CABP1: variants seen among roughly 807,000 people sequenced by gnomAD.
CABP1 encodes calcium binding protein 1.
CABP1 carries 17 observed loss-of-function variants against 34.3 expected under a neutral mutation model. The ratio of observed to expected loss-of-function variants is 0.50; its 90% confidence interval spans 0.34 to 0.74. The LOEUF is 0.74. Ranked by LOEUF, CABP1 falls within the 30% of genes least tolerant of loss-of-function variation. The probability of loss-of-function intolerance (pLI) is 0.01; values close to 1 mark genes in which losing one functional copy is unlikely to be tolerated. For missense variants in CABP1, 373 were observed against 511.1 expected, an observed-to-expected ratio of 0.73 and a Z score of 2.61; for synonymous variants, 198 against 229.2, an observed-to-expected ratio of 0.86 and a Z score of 1.23.
Position 120,655,854 on chromosome 12 carries a change from CA to C in CABP1, c.655-4023del, listed in dbSNP as rs1178900402. The C allele has an allele frequency of 1.7e-5, 26 of 1,530,808 alleles. No individual in the cohort carries two copies. In the African/African-American group the frequency reaches 3.4e-4, roughly 20 times the overall value. The allele number at this position is 1,530,808 out of a possible 1,614,324, so 94.8% of individuals were successfully genotyped here. On this transcript the variant is annotated intron_variant, in intron 1 of 5. Coordinates refer to ENST00000316803, the MANE Select transcript of CABP1 (RefSeq NM_001033677.2). ...GCGTGTGTGTGTGTGTGTGTGTGCG[CA>C]TGTGCCACACAGAGGGCATCACATT...
chr12:120,660,698 C>T lies in CABP1; in HGVS notation c.830-33C>T, dbSNP rs745312563. 107 of 1,440,982 alleles carry T rather than the reference C, an allele frequency of 7.4e-5. No individual in the cohort carries two copies. Among genetic ancestry groups the T allele is most frequent in the Non-Finnish European group, 9.4e-5 (96 of 1,022,562 alleles). 89.3% of individuals were successfully genotyped at this position (1,440,982 alleles called of 1,614,324 possible). On this transcript the variant is annotated intron_variant, in intron 3 of 5. Coordinates refer to ENST00000316803, the MANE Select transcript of CABP1 (RefSeq NM_001033677.2). The surrounding 1 kb of genome is among the most constrained non-coding windows in gnomAD (Gnocchi z 5.0). ...AGTTGGAGACAGGGAATGGGTATGT[C>T]GGGGATGACCTAGCCCTTTCCTCCT...
At chr12:120,669,723 C>A (rs1408827962), downstream of CABP1, among the ~76,000 whole-genome samples, 2 of 151,808 alleles carry the variant, frequency 1.3e-5, no homozygotes, top group African/African-American at 4.8e-5. Flanking sequence ...CACTTCACCC[C>A]AGCCTGGGTG....
In CABP1 at chr12:120,659,863, G is replaced by C. The variant is rs760101630; in HGVS notation, c.655-15G>C. The C allele has an allele frequency of 1.2e-6, 2 of 1,612,630 alleles. No individual in the cohort carries two copies. The highest frequency in any genetic ancestry group is 1.7e-6 in the Non-Finnish European group (2 of 1,179,638). Reference sequence around the variant, plus strand: ...TCCCTTGTCGCGGCTAATAGGACATGTTCTTTTGTTTCAGGATAGATCACT... The same window carrying C: ...TCCCTTGTCGCGGCTAATAGGACATCTTCTTTTGTTTCAGGATAGATCACT... On this transcript the variant is annotated splice_polypyrimidine_tract_variant and intron_variant, in intron 1 of 5. Coordinates refer to ENST00000316803, the MANE Select transcript of CABP1 (RefSeq NM_001033677.2).
the CABP1 span, among the ~76,000 whole-genome samples, chr12:120,679,394 G>A: frequency 6.6e-6 from 1 of 152,036 alleles, no homozygotes; most frequent in Non-Finnish European, 1.5e-5. Context: ...CTTCTCATCT[G>A]CAAAAAAGGG....
chr12:120,667,032 G>GT lies in CABP1; in HGVS notation c.*132_*133insT. 1 of 1,125,012 alleles carries GT rather than the reference G, an allele frequency of 8.9e-7. No homozygotes were observed. The highest frequency in any genetic ancestry group is 1.3e-6 in the Non-Finnish European group (1 of 778,444). The allele number at this position is 1,125,012 out of a possible 1,614,324, so 69.7% of individuals were successfully genotyped here. A position where few individuals can be genotyped will look rare whatever the true frequency, so the allele number is the denominator to read the frequency against. On this transcript the variant is annotated 3_prime_UTR_variant, in exon 6 of 6. Transcript: ENST00000316803. Reference sequence around the variant, plus strand: ...GGATGGGGCCTGCCTGCACCCCGGGGAGGCGCCCACCCCGGACCCCCACCC... The same window carrying GT: ...GGATGGGGCCTGCCTGCACCCCGGGGTAGGCGCCCACCCCGGACCCCCACCC...
chr12:120,653,298 C>T (rs1879965286), intron 1 of CABP1, among the ~76,000 whole-genome samples: 2 of 152,186 alleles, frequency 1.3e-5, no homozygotes, highest in African/African-American at 4.8e-5. Flanking sequence ...CATGCCCTAG[C>T]CACCATGCAG....
intron 1 of CABP1, among the ~76,000 whole-genome samples, chr12:120,657,217 C>T (rs1593164800): frequency 6.6e-6 from 1 of 152,182 alleles, no homozygotes; most frequent in Non-Finnish European, 1.5e-5. Context: ...ATGTGGCTAG[C>T]GGCTAGTGAA....
chr12:120,678,846 G>T, the CABP1 span, among the ~76,000 whole-genome samples: 9 of 151,978 alleles, frequency 5.9e-5, no homozygotes, highest in African/African-American at 1.7e-4. Context: ...CTGAGGGGGG[G>T]GCAGATCACT....
At chr12:120,648,137 G>A (rs10774564) in intron 1 of CABP1, among the ~76,000 whole-genome samples, 30,797 of 152,024 alleles carry the variant, frequency 0.2, 3,320 homozygotes, top group African/African-American at 0.28. Flanking sequence ...GGGGTCCCTA[G>A]TGAGCACTAT....
At chr12:120,670,558 A>G (rs1319536646), downstream of CABP1, among the ~76,000 whole-genome samples, 24 of 151,746 alleles carry the variant, frequency 1.6e-4, no homozygotes, top group Admixed American at 8.5e-4. Flanking sequence ...GACCAGCCTG[A>G]CCAACATGGT....
chr12:120,657,008 G>A (rs1308490788), intron 1 of CABP1, among the ~76,000 whole-genome samples: 1 of 152,196 alleles, frequency 6.6e-6, no homozygotes, highest in Non-Finnish European at 1.5e-5. Context: ...AGAGCCTCTT[G>A]TGCTCCTAAT....
At chr12:120,656,121 T>C in intron 1 of CABP1, 1 of 1,614,192 alleles carries the variant, frequency 6.2e-7, no homozygotes, top group Non-Finnish European at 8.5e-7. Context: ...ACCAGCTACA[T>C]GGTGGTGCAG....
rs987184362 is a variant in CABP1, at chr12:120,650,781, A to C, written c.655-9097A>C. On this transcript the variant is annotated intron_variant, in intron 1 of 5. Coordinates refer to ENST00000316803, the MANE Select transcript of CABP1 (RefSeq NM_001033677.2). ...ACAGAAAGGGTGGCTGGAGCTTGCT[A>C]TCCTTCCCAGGGGTTCTGTCCAGGG... 3.1e-6 allele frequency: 4 copies of C among 1,274,516 alleles called. No individual in the cohort carries two copies. The African/African-American group carries it at 5.9e-5, about 19-fold the overall frequency. 79.0% of individuals were successfully genotyped at this position (1,274,516 alleles called of 1,614,324 possible).
At chr12:120,656,270 C>T (rs1224153424) in intron 1 of CABP1, 1 of 1,548,572 alleles carries the variant, frequency 6.5e-7, no homozygotes, top group South Asian at 1.2e-5. Context: ...GAACAGGCAG[C>T]CTGTACGTAA....
At chr12:120,672,571 G>A in the CABP1 span, among the ~76,000 whole-genome samples, 1 of 146,424 alleles carries the variant, frequency 6.8e-6, no homozygotes, top group East Asian at 2.0e-4. Context: ...GGCGGAGGCT[G>A]CAGTGAGTCA....
Position 120,641,272 on chromosome 12 carries a change from C to T in CABP1, c.587C>T (p.Ala196Val). 7.6e-7 allele frequency: 1 copy of T among 1,309,948 alleles called. No homozygotes were observed. The highest frequency in any genetic ancestry group is 2.2e-5 in the South Asian group (1 of 45,622). 81.1% of individuals were successfully genotyped at this position (1,309,948 alleles called of 1,614,324 possible). A position where few individuals can be genotyped will look rare whatever the true frequency, so the allele number is the denominator to read the frequency against. The stretch of plus-strand genomic sequence containing the variant: ...CGGGGCCGCGGGGACTCCGTTCCAG[C>T]CGCCGCGTCCGAGGCGGACCCGTTC... ...RARGRGDSVP[A>V]AASEADPFLH... Residue 196 changes from alanine to valine, a missense_variant, in exon 1 of 6, where the codon GCC (alanine) becomes GTC (valine). Transcript: ENST00000316803. The surrounding 1 kb of genome is among the most constrained non-coding windows in gnomAD (Gnocchi z 6.7).
chr12:120,671,216 G>A (rs1434408524), downstream of CABP1, among the ~76,000 whole-genome samples: 1 of 152,048 alleles, frequency 6.6e-6, no homozygotes, highest in Non-Finnish European at 1.5e-5. Context: ...GACCAGCCTG[G>A]CCAAATGGTG....
chr12:120,655,669 A>G lies in CABP1; in HGVS notation c.655-4209A>G. Reference sequence around the variant, plus strand: ...AGGAATGACTTAGCCCTGGAGATTGACTGAATTGGGAGGTTGGGAGCATTT... The same window carrying G: ...AGGAATGACTTAGCCCTGGAGATTGGCTGAATTGGGAGGTTGGGAGCATTT... On this transcript the variant is annotated intron_variant, in intron 1 of 5. Transcript: ENST00000316803. 4.9e-6 allele frequency: 7 copies of G among 1,423,450 alleles called. No homozygotes were observed. In the South Asian group the frequency reaches 1.1e-4, roughly 22 times the overall value. The allele number at this position is 1,423,450 out of a possible 1,614,324, so 88.2% of individuals were successfully genotyped here.
the CABP1 span, among the ~76,000 whole-genome samples, chr12:120,673,347 G>A: frequency 6.6e-6 from 1 of 152,144 alleles, no homozygotes; most frequent in Admixed American, 6.6e-5. Context: ...CGCTTTGGGA[G>A]GCTGAGGTGG....
Sources: allele counts gnomAD v4.1 joint callset (sites outside exome capture counted in the v4.1 genomes callset), GRCh38; gene constraint gnomAD v4.1.1; non-coding constraint Gnocchi (gnomAD v3.1); transcripts MANE v1.5; gene names NCBI Gene and HGNC (gene_info 2026-07-23, HGNC 2026-07-21).